The following ITCH variants were observed in gnomAD, a reference collection of about 807,000 sequenced individuals.
ITCH encodes E3 ubiquitin-protein ligase Itchy homolog.
A neutral mutation model predicts 126.8 loss-of-function variants in ITCH; 28 were observed. The ratio of observed to expected loss-of-function variants is 0.22; its 90% confidence interval spans 0.16 to 0.30. ITCH has a LOEUF of 0.30. ITCH is among the 10% of genes least tolerant of loss of function. The probability of loss-of-function intolerance (pLI) is 1.00; values close to 1 mark genes in which losing one functional copy is unlikely to be tolerated. For synonymous variants in ITCH, 342 were observed against 340.0 expected (o/e 1.01, Z -0.06); for missense variants, 631 against 1,032.4 (o/e 0.61, Z 5.33).
intron 7 of ITCH, among the ~76,000 whole-genome samples, chr20:34,428,999 G>T (rs780643035): frequency 6.6e-6 from 1 of 152,042 alleles, no homozygotes; most frequent in East Asian, 1.9e-4. Context: ...GTGCAGTGGC[G>T]TGATCTCAGC....
chr20:34,407,084 C>T (rs1158417485), intron 3 of ITCH, among the ~76,000 whole-genome samples: 1 of 151,888 alleles, frequency 6.6e-6, no homozygotes, highest in Non-Finnish European at 1.5e-5. Context: ...CTGTAAGGGG[C>T]CTGGACAAAG....
chr20:34,374,533 A>G (rs2037760840), intron 2 of ITCH, among the ~76,000 whole-genome samples: 1 of 152,038 alleles, frequency 6.6e-6, no homozygotes, highest in Non-Finnish European at 1.5e-5. Context: ...ATTACCATCA[A>G]CCTTATCTTT....
At chr20:34,403,855 A>G (rs553465233) in intron 3 of ITCH, among the ~76,000 whole-genome samples, 1 of 152,320 alleles carries the variant, frequency 6.6e-6, no homozygotes, top group Admixed American at 6.5e-5. Flanking sequence ...TAGAGGAATG[A>G]AAGTACATGG....
chr20:34,417,015 T>G (rs892798127), intron 6 of ITCH: 2 of 500,930 alleles, frequency 4.0e-6, no homozygotes, highest in South Asian at 1.7e-5. Flanking sequence ...GTTCAAGCGA[T>G]TCTCCTGCCT....
At chr20:34,423,336 ATT>A (rs1176090883) in intron 6 of ITCH, among the ~76,000 whole-genome samples, 2 of 152,188 alleles carry the variant, frequency 1.3e-5, no homozygotes, top group Non-Finnish European at 2.9e-5. Flanking sequence ...TGGATGAGAC[ATT>A]TACCAACTTT....
At chr20:34,370,453 C>G (rs930856605) in intron 2 of ITCH, among the ~76,000 whole-genome samples, 5 of 152,046 alleles carry the variant, frequency 3.3e-5, no homozygotes, top group African/African-American at 1.2e-4. Flanking sequence ...CACTTGAGGT[C>G]AGGAGTTTGA....
In ITCH at chr20:34,375,696, A is replaced by ATTTT. The variant is rs5841171; in HGVS notation, c.-22+6258_-22+6261dup. On this transcript the variant is annotated intron_variant, in intron 2 of 24. Transcript: ENST00000374864. Reference sequence around the variant, plus strand: ...CACTCACAATGTATTGGTAGTTAAAATTTTTTTTTTTTTTTTTTTTTTTTT... The same window carrying ATTTT: ...CACTCACAATGTATTGGTAGTTAAAATTTTTTTTTTTTTTTTTTTTTTTTTTTTT... 1.7e-3 allele frequency among the ~76,000 whole-genome samples: 109 copies of ATTTT among 65,560 alleles called. 7 individuals carry two copies. Among genetic ancestry groups the ATTTT allele is most frequent in the African/African-American group, 1.9e-3 (26 of 13,686 alleles). The allele number at this position is 65,560 out of a possible 152,430, so 43.0% of individuals were successfully genotyped here.
Position 34,509,001 on chromosome 20 carries a change from C to G in ITCH, c.*1207C>G, listed in dbSNP as rs962095140. ...ATATTCTCTGTGAATTAAAAGTCTT[C>G]AAAGTTATCATTTCTCTGACATATG... On this transcript the variant is annotated 3_prime_UTR_variant, in exon 25 of 25. Transcript: ENST00000374864. The G allele has an allele frequency of 6.6e-6, 1 of 152,378 alleles. No homozygotes were observed. Among genetic ancestry groups the G allele is most frequent in the African/African-American group, 2.4e-5 (1 of 41,400 alleles). 9.4% of individuals were successfully genotyped at this position (152,378 alleles called of 1,614,324 possible).
At position 34,425,466 on chromosome 20, in the gene ITCH, C is replaced by T. The variant is rs1400700840; in HGVS notation, c.521+941C>T. Among the ~76,000 whole-genome samples the T allele has an allele frequency of 3.3e-5, 5 of 152,080 alleles. No individual in the cohort carries two copies. In the East Asian group the frequency reaches 9.6e-4, roughly 29 times the overall value. On this transcript the variant is annotated intron_variant, in intron 7 of 24. Transcript: ENST00000374864. ...GTAGTGAAAGAGGGAGGCCTCTTTG[C>T]AGTTGAGATAAGAGGAAGGTTTCTA...
intron 2 of ITCH, among the ~76,000 whole-genome samples, chr20:34,369,739 T>TCCC (rs2037548413): frequency 6.6e-6 from 1 of 152,206 alleles, no homozygotes; most frequent in African/African-American, 2.4e-5. Flanking sequence ...TTTGTGTTGT[T>TCCC]TTATACACGT....
intron 14 of ITCH, among the ~76,000 whole-genome samples, chr20:34,463,848 G>A (rs1986771285): frequency 1.3e-5 from 2 of 151,142 alleles, no homozygotes; most frequent in Non-Finnish European, 1.5e-5. Flanking sequence ...TATTCTGGGT[G>A]TTAATCCCTT....
At chr20:34,386,829 G>A (rs2038300456) in intron 2 of ITCH, among the ~76,000 whole-genome samples, 1 of 152,096 alleles carries the variant, frequency 6.6e-6, no homozygotes, top group African/African-American at 2.4e-5. Context: ...TAAGAGACAA[G>A]ATATTACTGA....
intron 23 of ITCH, among the ~76,000 whole-genome samples, chr20:34,493,443 G>A (rs1249640864): frequency 1.3e-5 from 2 of 152,150 alleles, no homozygotes; most frequent in Non-Finnish European, 2.9e-5. Flanking sequence ...TTAAAAGATG[G>A]TGAGGACCTA....
At chr20:34,503,862 T>G (rs867672934) in intron 23 of ITCH, among the ~76,000 whole-genome samples, 5,367 of 117,034 alleles carry the variant, frequency 0.046, 144 homozygotes, top group South Asian at 0.059. Flanking sequence ...GGTTTTTTTT[T>G]TTTTTTGGTT....
intron 2 of ITCH, among the ~76,000 whole-genome samples, chr20:34,383,559 T>A (rs756201453): frequency 2.0e-5 from 3 of 151,684 alleles, no homozygotes; most frequent in Non-Finnish European, 4.4e-5. Flanking sequence ...AGAGACAGGG[T>A]TTCTCCATGT....
chr20:34,496,303 G>C (rs1291348122), intron 23 of ITCH, among the ~76,000 whole-genome samples: 1 of 151,980 alleles, frequency 6.6e-6, no homozygotes, highest in Admixed American at 6.6e-5. Flanking sequence ...TTAATGCATT[G>C]TTTTTCTTCT....
At chr20:34,411,369 G>T (rs556953969) in intron 4 of ITCH, among the ~76,000 whole-genome samples, 57 of 152,262 alleles carry the variant, frequency 3.7e-4, no homozygotes, top group Middle Eastern at 3.4e-3. Context: ...GGCCAGGCTG[G>T]TCTCAAGCTC....
rs548728345 is a variant in ITCH, at chr20:34,378,920, T to A, written c.-22+9450T>A. On this transcript the variant is annotated intron_variant, in intron 2 of 24. Transcript: ENST00000374864. ...CCTTATCTTTGCTCAGAGGATGTAC[T>A]AATCTCTGTGTTCTAATTTTTTAGT... Among the ~76,000 whole-genome samples, 29 of 152,352 alleles carry A rather than the reference T, an allele frequency of 1.9e-4. No homozygotes were observed. In the East Asian group the frequency reaches 4.8e-3, roughly 25 times the overall value.
Position 34,479,679 on chromosome 20 carries a change from C to T in ITCH, c.1708C>T (p.Leu570=), listed in dbSNP as rs1181617386. 1.2e-6 allele frequency: 2 copies of T among 1,613,604 alleles called. No homozygotes were observed. The highest frequency in any genetic ancestry group is 3.3e-5 in the Admixed American group (2 of 59,988). The change falls in exon 18 of 25, where the codon CTG becomes TTG. Residue 570 remains leucine (L), a synonymous_variant. Transcript: ENST00000374864. ...TGAAGTGTTGAACCCAATGTATTGC[C>T]TGTTTGAATATGCAGGGAAGGATAA... The part of the protein sequence containing the change: ...SHEVLNPMYC[L]FEYAGKDNYC...
Sources: gnomAD v4.1 joint callset for allele counts (sites outside exome capture counted in the v4.1 genomes callset) on GRCh38, gnomAD v4.1.1 for gene constraint, MANE v1.5 for transcripts, NCBI Gene and HGNC (gene_info 2026-07-23, HGNC 2026-07-21) for gene names.